Variants in ATXN7 observed in about 807,000 individuals in gnomAD.
ATXN7 encodes ataxin-7.
In ATXN7, 12 loss-of-function variants were observed where a neutral mutation model predicts 70.5. The ratio of observed to expected loss-of-function variants is 0.17; its 90% CI spans 0.11 to 0.28. The LOEUF is 0.28. Ranked by LOEUF, ATXN7 falls within the 10% of genes least tolerant of loss-of-function variation. ATXN7 has a pLI of 1.00. For synonymous variants in ATXN7, 498 were observed against 448.7 expected, an observed-to-expected ratio of 1.11 and a Z score of -1.39; for missense variants, 1,256 against 1,131.7, an observed-to-expected ratio of 1.11 and a Z score of -1.58.
chr3:63,874,946 T>G lies in ATXN7; in HGVS notation c.-111+10788T>G, dbSNP rs185460738. Among the ~76,000 whole-genome samples, 383 of 152,204 alleles carry G rather than the reference T, an allele frequency of 2.5e-3. 2 individuals carry two copies. Among genetic ancestry groups the G allele is most frequent in the African/African-American group, 9.0e-3 (372 of 41,522 alleles). ...GATTGTGTGTCTGATGAGGGCTTGT[T>G]TCCTGTTTCATAGAAGGTGTCACAT... On this transcript the variant is annotated intron_variant, in intron 1 of 12. Transcript: ENST00000674280.
Position 63,895,783 on chromosome 3 carries a change from G to GTCTC in ATXN7, c.-110-2602_-110-2599dup, listed in dbSNP as rs60094587. Among the ~76,000 whole-genome samples the GTCTC allele has an allele frequency of 3.2e-4, 46 of 144,430 alleles. No homozygotes were observed. The East Asian group carries it at 3.8e-3, about 12-fold the overall frequency. 94.8% of individuals were successfully genotyped at this position (144,430 alleles called of 152,430 possible). A position where few individuals can be genotyped will look rare whatever the true frequency, so the allele number is the denominator to read the frequency against. On this transcript the variant is annotated intron_variant, in intron 1 of 12. Transcript: ENST00000674280. The stretch of plus-strand genomic sequence containing the variant: ...TTTTCTGTCTCTCTCTTGTTTCTCT[G>GTCTC]TCTCTCTCTCTCTCTCTGTGTCTCT...
chr3:63,990,582 C>T, intron 10 of ATXN7, 156 bp from the exon 11 acceptor site: 2 of 1,289,922 alleles, frequency 1.6e-6, no homozygotes, highest in Non-Finnish European at 2.2e-6. Flanking sequence ...CCATGACGCT[C>T]AGGGCTAGGC....
intron 5 of ATXN7, among the ~76,000 whole-genome samples, chr3:63,968,696 G>T (rs571345423): frequency 6.6e-6 from 1 of 152,184 alleles, no homozygotes; most frequent in South Asian, 2.1e-4. Context: ...TTTTTTAGTT[G>T]TGTTATTAAG....
At chr3:63,992,231 TC>T (rs1181230109) in intron 11 of ATXN7, among the ~76,000 whole-genome samples, 4 of 152,232 alleles carry the variant, frequency 2.6e-5, no homozygotes, top group African/African-American at 9.7e-5. Flanking sequence ...AGGACTTACA[TC>T]CGTTTCCTTA....
At chr3:63,984,299 A>AC (rs2075537934) in intron 8 of ATXN7, among the ~76,000 whole-genome samples, 1 of 151,990 alleles carries the variant, frequency 6.6e-6, no homozygotes, top group African/African-American at 2.4e-5. Flanking sequence ...ATTAATGGAC[A>AC]CCCCCACCCC....
At chr3:63,908,158 T>G (rs1450337308) in intron 2 of ATXN7, among the ~76,000 whole-genome samples, 4 of 152,320 alleles carry the variant, frequency 2.6e-5, no homozygotes, top group Middle Eastern at 6.8e-3. Context: ...CTTGCAACTT[T>G]CCTTATTATT....
At chr3:63,863,797 C>CGCGGCGGCGGCGGCGGCGGCGGCGGCG (rs546741642), upstream of ATXN7, 1 of 1,236,062 alleles carries the variant, frequency 8.1e-7, no homozygotes, top group Non-Finnish European at 1.0e-6. Context: ...CCATGGCGTG[C>CGCGGCGGCGGCGGCGGCGGCGGCGGCG]GCGGCGGCGG....
chr3:63,884,157 G>A (rs1443930687), intron 1 of ATXN7, among the ~76,000 whole-genome samples: 1 of 151,350 alleles, frequency 6.6e-6, no homozygotes, highest in Admixed American at 6.6e-5. Flanking sequence ...TAAACAATAT[G>A]AGCCTGTAGT....
chr3:63,931,316 C>CA (rs896654306), intron 4 of ATXN7, among the ~76,000 whole-genome samples: 1 of 151,572 alleles, frequency 6.6e-6, no homozygotes, highest in African/African-American at 2.4e-5. Flanking sequence ...CCCGCCCCCC[C>CA]AAAAAAAAGT....
At chr3:63,977,050 G>C (rs1250484730) in intron 5 of ATXN7, among the ~76,000 whole-genome samples, 1 of 152,218 alleles carries the variant, frequency 6.6e-6, no homozygotes, top group Non-Finnish European at 1.5e-5. Context: ...AGCATCAGCT[G>C]TGTTTGGGTG....
At chr3:63,949,773 G>A (rs2074924779) in intron 4 of ATXN7, among the ~76,000 whole-genome samples, 1 of 152,146 alleles carries the variant, frequency 6.6e-6, no homozygotes, top group Admixed American at 6.6e-5. Context: ...GGGGGTGTGT[G>A]TGTGCATGCT....
intron 10 of ATXN7, 59 bp from the exon 11 acceptor site, chr3:63,990,679 C>A: frequency 6.2e-7 from 1 of 1,612,990 alleles, no homozygotes; most frequent in Admixed American, 1.7e-5. Flanking sequence ...GATCTAGAAC[C>A]CTGACTGGGC....
chr3:63,993,275 A>ATTTTTTTTTTTT (rs556994956), intron 11 of ATXN7, among the ~76,000 whole-genome samples: 3 of 116,014 alleles, frequency 2.6e-5, no homozygotes, highest in African/African-American at 9.8e-5. Flanking sequence ...TTGTTGGTGT[A>ATTTTTTTTTTTT]TTTTTTTTTT....
intron 2 of ATXN7, among the ~76,000 whole-genome samples, chr3:63,902,853 AT>A (rs915547877): frequency 2.6e-5 from 4 of 152,320 alleles, no homozygotes; most frequent in South Asian, 2.1e-4. Flanking sequence ...TCAAAAAAAA[AT>A]CTTTATAAAA....
intron 5 of ATXN7, among the ~76,000 whole-genome samples, chr3:63,966,449 T>C (rs927561975): frequency 6.6e-6 from 1 of 152,180 alleles, no homozygotes; most frequent in Admixed American, 6.5e-5. Flanking sequence ...TTAAAAAGAT[T>C]TGGGAGATGT....
At chr3:63,877,015 C>T (rs539962574) in intron 1 of ATXN7, among the ~76,000 whole-genome samples, 3 of 152,268 alleles carry the variant, frequency 2.0e-5, no homozygotes, top group African/African-American at 7.2e-5. Context: ...AAAAAATTTA[C>T]ACCTTAAATT....
In ATXN7 at chr3:63,999,758, T is replaced by G. The variant is rs1300296229; in HGVS notation, c.*291T>G. ...TACCAATCTGTGAGAAGTTTTTGTT[T>G]TTGTTTTGTTTTTTAACTTGCAGTA... is the stretch of plus-strand genomic sequence containing the variant. On this transcript the variant is annotated 3_prime_UTR_variant, in exon 13 of 13. Coordinates refer to ENST00000674280, the MANE Select transcript of ATXN7 (RefSeq NM_001377405.1). 1 of 566,616 alleles carries G rather than the reference T, an allele frequency of 1.8e-6. No individual in the cohort carries two copies. The highest frequency in any genetic ancestry group is 3.1e-6 in the Non-Finnish European group (1 of 318,298). 35.1% of individuals were successfully genotyped at this position (566,616 alleles called of 1,614,324 possible).
intron 1 of ATXN7, chr3:63,864,368 C>G (rs1223367041): frequency 6.6e-6 from 1 of 152,018 alleles, no homozygotes; most frequent in Non-Finnish European, 1.5e-5. Context: ...AGAGGCGGGA[C>G]TAGGGGTACC....
At chr3:63,863,698 C>T (rs1575821216), upstream of ATXN7, 4 of 1,241,708 alleles carry the variant, frequency 3.2e-6, no homozygotes, top group East Asian at 1.3e-4. Flanking sequence ...GGAAGCGGGC[C>T]GGGAGGCCAG....
Sources: gnomAD v4.1 joint callset for allele counts (sites outside exome capture counted in the v4.1 genomes callset) on GRCh38, gnomAD v4.1.1 for gene constraint, MANE v1.5 for transcripts, NCBI Gene and HGNC (gene_info 2026-07-23, HGNC 2026-07-21) for gene names.